Variants in KCNAB1 observed in about 807,000 individuals in gnomAD.
KCNAB1 encodes voltage-gated potassium channel subunit beta-1.
In KCNAB1, 35 loss-of-function variants were observed where a neutral mutation model predicts 64.6. The observed-to-expected ratio is 0.54, with a 90% CI of 0.41 to 0.72. The LOEUF (loss-of-function observed/expected upper bound fraction) is 0.72. KCNAB1 is among the 30% of genes least tolerant of loss of function. The probability of loss-of-function intolerance (pLI) is 0.00; values close to 1 mark genes in which losing one functional copy is unlikely to be tolerated. For synonymous variants in KCNAB1, 177 were observed against 183.8 expected (o/e 0.96, Z 0.30); for missense variants, 401 against 512.9 (o/e 0.78, Z 2.11).
rs374681505 is a variant in KCNAB1, at chr3:156,290,564, C to T, written c.276-131052C>T. ...ACCTGACATCAAACCAGAAAATATT[C>T]CTGCCTCATGTGGGTTCAGAGTCCC... On this transcript the variant is annotated intron_variant, in intron 1 of 13. Coordinates refer to ENST00000490337, the MANE Select transcript of KCNAB1 (RefSeq NM_172160.3). Among the ~76,000 whole-genome samples the T allele has an allele frequency of 2.2e-4, 33 of 152,300 alleles. No individual in the cohort carries two copies. The South Asian group carries it at 5.2e-3, about 24-fold the overall frequency.
chr3:156,143,166 G>T, intron 1 of KCNAB1: 1 of 1,573,766 alleles, frequency 6.4e-7, no homozygotes, highest in South Asian at 1.2e-5. Flanking sequence ...TTGCTTCCTT[G>T]GGTTTTTGAA....
At chr3:156,382,546 C>T (rs189599634) in intron 1 of KCNAB1, among the ~76,000 whole-genome samples, 1 of 152,064 alleles carries the variant, frequency 6.6e-6, no homozygotes, top group South Asian at 2.1e-4. Flanking sequence ...ACAGAACCTG[C>T]ATTTTCTAGT....
chr3:156,344,745 T>C (rs1724367501), intron 1 of KCNAB1, among the ~76,000 whole-genome samples: 1 of 151,742 alleles, frequency 6.6e-6, no homozygotes, highest in African/African-American at 2.4e-5. Context: ...AGGAAAAAAA[T>C]AAAAAGAAAT....
chr3:156,231,997 T>A, intron 1 of KCNAB1, among the ~76,000 whole-genome samples: 1 of 152,192 alleles, frequency 6.6e-6, no homozygotes, highest in Non-Finnish European at 1.5e-5. Context: ...AAATCTCTTC[T>A]CATATTTTAC....
intron 1 of KCNAB1, among the ~76,000 whole-genome samples, chr3:156,413,311 G>A (rs987782757): frequency 1.3e-5 from 2 of 152,212 alleles, no homozygotes; most frequent in African/African-American, 4.8e-5. Flanking sequence ...ACTCAAAGCA[G>A]GGTTAGAAAC....
At chr3:156,445,656 A>C (rs1711507029) in intron 2 of KCNAB1, among the ~76,000 whole-genome samples, 2 of 152,204 alleles carry the variant, frequency 1.3e-5, no homozygotes, top group Non-Finnish European at 2.9e-5. Flanking sequence ...TTACTCACTT[A>C]CCCTGTGCCA....
upstream of KCNAB1, chr3:156,120,428 C>G: frequency 1.4e-6 from 1 of 710,912 alleles, no homozygotes; most frequent in Middle Eastern, 4.2e-4. Context: ...TACCTCTTCA[C>G]TAGGAAAGGT....
chr3:156,218,767 G>T, intron 1 of KCNAB1, among the ~76,000 whole-genome samples: 1 of 136,088 alleles, frequency 7.3e-6, no homozygotes, highest in African/African-American at 2.8e-5. Flanking sequence ...GCTCTGCAGG[G>T]TGGCTAGACC....
chr3:156,406,091 T>C lies in KCNAB1; in HGVS notation c.276-15525T>C, dbSNP rs182255797. Among the ~76,000 whole-genome samples the C allele has an allele frequency of 3.1e-3, 473 of 152,288 alleles. 1 individual carries two copies. Among genetic ancestry groups the C allele is most frequent in the African/African-American group, 0.011 (463 of 41,566 alleles). Reference sequence around the variant, plus strand: ...TGAATAGGCTTAATTCTATTAGGAGTATCTGCATTTTAAAAGATGAAATTT... The same window carrying C: ...TGAATAGGCTTAATTCTATTAGGAGCATCTGCATTTTAAAAGATGAAATTT... On this transcript the variant is annotated intron_variant, in intron 1 of 13. Transcript: ENST00000490337.
At chr3:156,424,361 C>G (rs1341775447) in intron 2 of KCNAB1, among the ~76,000 whole-genome samples, 1 of 152,104 alleles carries the variant, frequency 6.6e-6, no homozygotes, top group Non-Finnish European at 1.5e-5. Flanking sequence ...TCCTAATAAT[C>G]TGACTTGGGA....
chr3:156,296,931 G>A (rs567363424), intron 1 of KCNAB1, among the ~76,000 whole-genome samples: 127 of 152,112 alleles, frequency 8.3e-4, no homozygotes, highest in Middle Eastern at 3.2e-3. Flanking sequence ...TAGCATGATA[G>A]CAAAACCAGG....
At chr3:156,433,386 T>TTCAGGACCACACAG (rs1462694590) in intron 2 of KCNAB1, among the ~76,000 whole-genome samples, 1 of 152,152 alleles carries the variant, frequency 6.6e-6, no homozygotes, top group Non-Finnish European at 1.5e-5. Flanking sequence ...AGTGAAAGAA[T>TTCAGGACCACACAG]TCAGGACCAC....
At chr3:156,443,745 C>G (rs1223313180) in intron 2 of KCNAB1, among the ~76,000 whole-genome samples, 1 of 107,770 alleles carries the variant, frequency 9.3e-6, no homozygotes, top group Non-Finnish European at 1.9e-5. Flanking sequence ...TCCTTACACA[C>G]ACACACACAC....
chr3:156,253,635 ATG>A (rs1042981426), intron 1 of KCNAB1, among the ~76,000 whole-genome samples: 6 of 152,188 alleles, frequency 3.9e-5, no homozygotes, highest in African/African-American at 1.4e-4. Context: ...CTAAGCAGCC[ATG>A]TGTTTGAGGG....
At chr3:156,260,835 G>A (rs1170043833) in intron 1 of KCNAB1, among the ~76,000 whole-genome samples, 1 of 152,064 alleles carries the variant, frequency 6.6e-6, no homozygotes, top group Non-Finnish European at 1.5e-5. Flanking sequence ...ACTTTTCCTA[G>A]TGGCTGTACC....
intron 2 of KCNAB1, among the ~76,000 whole-genome samples, chr3:156,427,913 G>A (rs1448143842): frequency 6.6e-6 from 1 of 152,154 alleles, no homozygotes; most frequent in African/African-American, 2.4e-5. Context: ...AGGCCGGTCT[G>A]ATTCATTCCA....
chr3:156,487,270 C>T (rs1401733038), intron 8 of KCNAB1, among the ~76,000 whole-genome samples: 1 of 152,112 alleles, frequency 6.6e-6, no homozygotes, highest in African/African-American at 2.4e-5. Flanking sequence ...CAAAGACATC[C>T]CTCATACTCC....
intron 1 of KCNAB1, among the ~76,000 whole-genome samples, chr3:156,296,471 CCCA>C (rs1560180744): frequency 1.0e-4 from 13 of 129,548 alleles, no homozygotes; most frequent in African/African-American, 1.2e-4. Flanking sequence ...TCCCCCCCCC[CCCA>C]CCTTTTTTTT....
chr3:156,492,096 G>A (rs1453372669), intron 8 of KCNAB1, among the ~76,000 whole-genome samples: 1 of 152,086 alleles, frequency 6.6e-6, no homozygotes, highest in Non-Finnish European at 1.5e-5. Flanking sequence ...CCTAGCCCTA[G>A]TGCTCCTATA....
Sources: gnomAD v4.1 joint callset for allele counts (sites outside exome capture counted in the v4.1 genomes callset) on GRCh38, gnomAD v4.1.1 for gene constraint, MANE v1.5 for transcripts, NCBI Gene and HGNC (gene_info 2026-07-23, HGNC 2026-07-21) for gene names.